The following ETNPPL variants were observed in gnomAD, a reference collection of about 807,000 sequenced individuals.
The protein encoded by ETNPPL is ethanolamine-phosphate phospho-lyase, also known as alanine--glyoxylate aminotransferase 2-like 1.
Under a neutral mutation model 55.5 loss-of-function variants are expected in ETNPPL, and 30 were observed. The observed-to-expected ratio is 0.54, with a 90% CI of 0.40 to 0.73. The LOEUF (loss-of-function observed/expected upper bound fraction) is 0.73, where lower values mean the gene tolerates loss of function less well. Among genes scored for constraint, ETNPPL ranks in the 30% least tolerant of loss-of-function variants. The pLI is 0.00. For missense variants in ETNPPL, 528 were observed against 607.9 expected, an observed-to-expected ratio of 0.87 and a Z score of 1.38; for synonymous variants, 202 against 207.2, an observed-to-expected ratio of 0.98 and a Z score of 0.21.
intron 7 of ETNPPL, 70 bp downstream of exon 7, chr4:108,750,866 A>C: frequency 9.2e-7 from 1 of 1,092,826 alleles, no homozygotes; most frequent in Non-Finnish European, 1.4e-6. Flanking sequence ...TATCTTAGCA[A>C]CTAGTATGGC....
At chr4:108,757,511 G>A (rs1729268676) in intron 3 of ETNPPL, among the ~76,000 whole-genome samples, 2 of 152,086 alleles carry the variant, frequency 1.3e-5, no homozygotes, top group South Asian at 2.1e-4. Context: ...GGTGGCTCAC[G>A]CCTGTAATCT....
At chr4:108,742,999 T>C (rs1728292050) in intron 12 of ETNPPL, among the ~76,000 whole-genome samples, 1 of 152,198 alleles carries the variant, frequency 6.6e-6, no homozygotes, top group Non-Finnish European at 1.5e-5. Flanking sequence ...TTGATTCCTA[T>C]AATTGGTTTG....
chr4:108,753,696 C>T (rs527622324), intron 5 of ETNPPL, among the ~76,000 whole-genome samples: 3 of 148,140 alleles, frequency 2.0e-5, no homozygotes, highest in South Asian at 2.1e-4. Flanking sequence ...GAGCCAAGAT[C>T]GTGCCACTGC....
chr4:108,746,558 G>A (rs777688800), intron 10 of ETNPPL, 29 bp from the exon 11 acceptor site: 2 of 1,607,056 alleles, frequency 1.2e-6, no homozygotes, highest in Non-Finnish European at 1.7e-6. Flanking sequence ...ACATGTGAGT[G>A]TATGCAAAGG....
At chr4:108,757,613 TAA>T (rs1729274064) in intron 3 of ETNPPL, among the ~76,000 whole-genome samples, 1 of 152,140 alleles carries the variant, frequency 6.6e-6, no homozygotes, top group Non-Finnish European at 1.5e-5. Context: ...TCTCTAAAAA[TAA>T]TAAAGTAATT....
intron 8 of ETNPPL, among the ~76,000 whole-genome samples, chr4:108,748,499 G>T (rs1486116637): frequency 6.6e-6 from 1 of 152,162 alleles, no homozygotes; most frequent in Non-Finnish European, 1.5e-5. Context: ...TGCCCTTGAA[G>T]AGCTGAGTAA....
At chr4:108,754,737 TA>T in intron 4 of ETNPPL, 27 bp from the exon 5 acceptor site, 1 of 1,219,264 alleles carries the variant, frequency 8.2e-7, no homozygotes, top group Admixed American at 1.9e-5. Flanking sequence ...AAAAAAGCAG[TA>T]ATCAAAATAA....
rs1461626206 is a variant in ETNPPL at position 108,760,157 on chromosome 4, C to G, written c.175+31G>C. 2.1e-6 allele frequency: 3 copies of G among 1,430,292 alleles called. No individual in the cohort carries two copies. The South Asian group carries it at 3.5e-5, about 17-fold the overall frequency. The allele number at this position is 1,430,292 out of a possible 1,614,324, so 88.6% of individuals were successfully genotyped here. On this transcript the variant is annotated intron_variant, in intron 2 of 12. Coordinates refer to ENST00000296486, the MANE Select transcript of ETNPPL (RefSeq NM_031279.4). ...GTCAGCTTTACTCCATGAACATTTC[C>G]TCCAAAGCACTGCAAGGACAGGACA...
intron 8 of ETNPPL, 36 bp downstream of exon 8, chr4:108,749,202 T>C (rs1728771818): frequency 2.7e-6 from 4 of 1,486,530 alleles, no homozygotes; most frequent in Non-Finnish European, 3.8e-6. Context: ...GCATTATTTT[T>C]CCTTCTTAGC....
chr4:108,747,082 C>G (rs1402115719), intron 9 of ETNPPL, among the ~76,000 whole-genome samples: 1 of 135,030 alleles, frequency 7.4e-6, no homozygotes, highest in Non-Finnish European at 1.6e-5. Flanking sequence ...CCCTTTCATG[C>G]TATTTAGTTT....
At position 108,762,934 on chromosome 4, in the gene ETNPPL, T is replaced by G; in HGVS notation, c.-36A>C. The G allele has an allele frequency of 6.2e-7, 1 of 1,603,642 alleles. No homozygotes were observed. Among genetic ancestry groups the G allele is most frequent in the Non-Finnish European group, 8.5e-7 (1 of 1,171,036 alleles). ...TGCAGGGCGCTGCGAAGGTGCAAGG[T>G]GCAAGGTCTGCGCGCCTCCTACGCG... On this transcript the variant is annotated 5_prime_UTR_variant, in exon 1 of 13. Transcript: ENST00000296486.
intron 6 of ETNPPL, among the ~76,000 whole-genome samples, chr4:108,751,998 G>A (rs550990566): frequency 9.5e-4 from 144 of 152,294 alleles, no homozygotes; most frequent in Non-Finnish European, 1.6e-3. Context: ...TGTTTAAACA[G>A]GTACAGACCA....
chr4:108,754,546 G>C (rs1158247990), intron 5 of ETNPPL, 74 bp downstream of exon 5: 20 of 842,914 alleles, frequency 2.4e-5, no homozygotes, highest in Non-Finnish European at 3.6e-5. Context: ...TCATCTAGAT[G>C]AAAGCATTGG....
intron 1 of ETNPPL, among the ~76,000 whole-genome samples, chr4:108,760,680 A>G (rs1729473917): frequency 6.6e-6 from 1 of 152,222 alleles, no homozygotes; most frequent in South Asian, 2.1e-4. Context: ...ATGTGTCAGA[A>G]GCTGTTATAT....
chr4:108,751,578 A>T (rs752306777), intron 6 of ETNPPL, among the ~76,000 whole-genome samples: 1 of 152,216 alleles, frequency 6.6e-6, no homozygotes, highest in African/African-American at 2.4e-5. Context: ...ATCATTCTAG[A>T]GACTAAGAAA....
chr4:108,761,641 C>T (rs1729511305), intron 1 of ETNPPL, among the ~76,000 whole-genome samples: 1 of 152,172 alleles, frequency 6.6e-6, no homozygotes, highest in Admixed American at 6.5e-5. Flanking sequence ...AAAATTTGTT[C>T]TGCTCATGTC....
rs1469683475 is a variant in ETNPPL, at chr4:108,762,933, G to A, written c.-35C>T. The A allele has an allele frequency of 6.2e-7, 1 of 1,606,100 alleles. No homozygotes were observed. The highest frequency in any genetic ancestry group is 8.5e-7 in the Non-Finnish European group (1 of 1,173,198). ...GTGCAGGGCGCTGCGAAGGTGCAAG[G>A]TGCAAGGTCTGCGCGCCTCCTACGC... On this transcript the variant is annotated 5_prime_UTR_variant, in exon 1 of 13. Coordinates refer to ENST00000296486, the MANE Select transcript of ETNPPL (RefSeq NM_031279.4).
intron 12 of ETNPPL, among the ~76,000 whole-genome samples, chr4:108,743,118 G>A (rs1050891820): frequency 3.9e-5 from 6 of 152,184 alleles, no homozygotes; most frequent in African/African-American, 2.4e-5. Flanking sequence ...CATTGGATGC[G>A]CAGGCGGGCT....
chr4:108,756,563 A>C, intron 3 of ETNPPL, 71 bp from the exon 4 acceptor site: 2 of 1,127,670 alleles, frequency 1.8e-6, no homozygotes, highest in Non-Finnish European at 1.3e-6. Context: ...TGTGCCAGGC[A>C]CGGTAGCTCA....
Sources: gnomAD v4.1 joint callset for allele counts (sites outside exome capture counted in the v4.1 genomes callset) on GRCh38, gnomAD v4.1.1 for gene constraint, MANE v1.5 for transcripts, NCBI Gene and HGNC (gene_info 2026-07-23, HGNC 2026-07-21) for gene names.